The following FOXO3 variants were observed in gnomAD, a reference collection of about 807,000 sequenced individuals.
The protein encoded by FOXO3 is forkhead box protein O3.
Under a neutral mutation model 41.9 loss-of-function variants are expected in FOXO3, and 4 were observed. That is an observed-to-expected ratio of 0.10 (90% CI 0.05 to 0.22). The LOEUF (loss-of-function observed/expected upper bound fraction) is 0.22, where lower values mean the gene tolerates loss of function less well. Ranked by LOEUF, FOXO3 falls within the 10% of genes least tolerant of loss-of-function variation. FOXO3 has a pLI of 1.00. For synonymous variants in FOXO3, 318 were observed against 389.3 expected, an observed-to-expected ratio of 0.82 and a Z score of 2.16; for missense variants, 534 against 906.8, an observed-to-expected ratio of 0.59 and a Z score of 5.28.
intron 1 of FOXO3, among the ~76,000 whole-genome samples, chr6:108,604,151 T>G (rs1448196783): frequency 6.6e-6 from 1 of 152,156 alleles, no homozygotes; most frequent in Non-Finnish European, 1.5e-5. Context: ...AGGTCAGAAG[T>G]AGCTAGAGGA....
rs998696650 is a variant in FOXO3 at position 108,630,765 on chromosome 6, T to TA, written c.622-32682dup. Among the ~76,000 whole-genome samples the TA allele has an allele frequency of 5.3e-5, 8 of 151,900 alleles. No homozygotes were observed. In the East Asian group the frequency reaches 9.7e-4, roughly 18 times the overall value. ...CAACATGTTTTGCTTTAAGTATTTT[T>TA]AAAAAAAAGCTTTTTAAGGGAAGAA... On this transcript the variant is annotated intron_variant, in intron 1 of 2. Coordinates refer to ENST00000406360, the MANE Select transcript of FOXO3 (RefSeq NM_001455.4).
At chr6:108,576,304 A>G (rs1035885642) in intron 1 of FOXO3, among the ~76,000 whole-genome samples, 1 of 152,202 alleles carries the variant, frequency 6.6e-6, no homozygotes, top group Non-Finnish European at 1.5e-5. Flanking sequence ...AGGTTTTATC[A>G]TACTTACCCT....
chr6:108,611,656 G>T (rs1357982872), intron 1 of FOXO3, among the ~76,000 whole-genome samples: 2 of 145,760 alleles, frequency 1.4e-5, no homozygotes, highest in Admixed American at 6.8e-5. Context: ...TTTGTAAATT[G>T]TATATCTTCT....
chr6:108,578,048 A>T (rs939814249), intron 1 of FOXO3, among the ~76,000 whole-genome samples: 1 of 152,210 alleles, frequency 6.6e-6, no homozygotes, highest in Non-Finnish European at 1.5e-5. Context: ...AAACTGAGAG[A>T]TATAAACTTA....
chr6:108,652,527 C>CATG (rs1449643895), intron 1 of FOXO3, among the ~76,000 whole-genome samples: 2 of 152,196 alleles, frequency 1.3e-5, no homozygotes, highest in African/African-American at 4.8e-5. Context: ...TTGGTGACTT[C>CATG]AGAAGGAAAT....
chr6:108,683,500 A>G lies in FOXO3; in HGVS notation c.*3708A>G, dbSNP rs1487964494. 1 of 152,248 alleles carries G rather than the reference A, an allele frequency of 6.6e-6. No individual in the cohort carries two copies. The highest frequency in any genetic ancestry group is 1.5e-5 in the Non-Finnish European group (1 of 68,072). 9.4% of individuals were successfully genotyped at this position (152,248 alleles called of 1,614,324 possible). A position where few individuals can be genotyped will look rare whatever the true frequency, so the allele number is the denominator to read the frequency against. On this transcript the variant is annotated 3_prime_UTR_variant, in exon 3 of 3. Coordinates refer to ENST00000406360, the MANE Select transcript of FOXO3 (RefSeq NM_001455.4). ...AATAAAAATGTTATCCAGCCTGACC[A>G]ACATGGAGAAACCCCGTCTCCATTA...
intron 1 of FOXO3, among the ~76,000 whole-genome samples, chr6:108,647,022 A>T (rs1169098570): frequency 6.6e-6 from 1 of 152,216 alleles, no homozygotes; most frequent in South Asian, 2.1e-4. Flanking sequence ...GTAGTACTGC[A>T]CAAAAGAGAG....
intron 2 of FOXO3, among the ~76,000 whole-genome samples, chr6:108,672,018 G>A (rs1165132387): frequency 6.6e-6 from 1 of 152,338 alleles, no homozygotes; most frequent in East Asian, 1.9e-4. Flanking sequence ...GTCCACAGGG[G>A]CTAGCAGCAA....
chr6:108,621,500 G>T (rs1185495547), intron 1 of FOXO3, among the ~76,000 whole-genome samples: 1 of 152,146 alleles, frequency 6.6e-6, no homozygotes, highest in Non-Finnish European at 1.5e-5. Context: ...CTCAGCTACT[G>T]TAGTGAAAAA....
chr6:108,662,109 G>A (rs921098215), intron 1 of FOXO3, among the ~76,000 whole-genome samples: 2 of 151,424 alleles, frequency 1.3e-5, no homozygotes, highest in Admixed American at 6.6e-5. Flanking sequence ...ACCTTTAGCC[G>A]TCATATCTCC....
At chr6:108,646,762 G>T (rs1460043274) in intron 1 of FOXO3, among the ~76,000 whole-genome samples, 1 of 152,182 alleles carries the variant, frequency 6.6e-6, no homozygotes, top group Non-Finnish European at 1.5e-5. Context: ...CTTTCCTCCT[G>T]CATTTTATTG....
intron 2 of FOXO3, among the ~76,000 whole-genome samples, chr6:108,668,631 AT>A (rs1779125096): frequency 6.6e-6 from 1 of 152,168 alleles, no homozygotes; most frequent in Non-Finnish European, 1.5e-5. Flanking sequence ...TGGAGACACC[AT>A]TAGGGAGCAG....
intron 1 of FOXO3, among the ~76,000 whole-genome samples, chr6:108,626,541 G>A (rs1481916397): frequency 3.3e-5 from 5 of 152,028 alleles, no homozygotes; most frequent in South Asian, 2.1e-4. Flanking sequence ...AGAGAAAATC[G>A]GCTTATAAGT....
chr6:108,605,556 A>G (rs1045844593), intron 1 of FOXO3, among the ~76,000 whole-genome samples: 3 of 152,234 alleles, frequency 2.0e-5, no homozygotes, highest in African/African-American at 7.2e-5. Context: ...ATTTCTCAGA[A>G]AAAGAAACAG....
chr6:108,582,242 G>A (rs1473118919), intron 1 of FOXO3, among the ~76,000 whole-genome samples: 1 of 152,110 alleles, frequency 6.6e-6, no homozygotes, highest in Non-Finnish European at 1.5e-5. Context: ...GAAATCTAGG[G>A]ACCATCCTAA....
At chr6:108,575,694 T>C (rs1003306945) in intron 1 of FOXO3, among the ~76,000 whole-genome samples, 5 of 152,196 alleles carry the variant, frequency 3.3e-5, no homozygotes, top group Non-Finnish European at 7.3e-5. Flanking sequence ...GTCTTTGTTT[T>C]TGCAGTAGAA....
intron 1 of FOXO3, among the ~76,000 whole-genome samples, chr6:108,591,141 G>A (rs1380471162): frequency 6.6e-6 from 1 of 152,214 alleles, no homozygotes; most frequent in African/African-American, 2.4e-5. Context: ...CTCAGGTGTA[G>A]CTGGGACTTA....
intron 1 of FOXO3, among the ~76,000 whole-genome samples, chr6:108,591,947 A>G (rs992866744): frequency 3.3e-5 from 5 of 152,230 alleles, no homozygotes; most frequent in Non-Finnish European, 7.3e-5. Flanking sequence ...ACTGCTCTAC[A>G]ATAAGAAGGA....
rs1448607385 is a variant in FOXO3, at chr6:108,663,760, C to T, written c.927C>T (p.Phe309=). Residue 309 remains phenylalanine, a synonymous_variant, in exon 2 of 3, where the codon TTC becomes TTT. Coordinates refer to ENST00000406360, the MANE Select transcript of FOXO3 (RefSeq NM_001455.4). ...SSDELDAWTD[F]RSRTNSNAST... Reference sequence around the variant, plus strand: ...ATGAGCTGGATGCGTGGACGGACTTCCGTTCACGCACCAATTCTAACGCCA... The same window carrying T: ...ATGAGCTGGATGCGTGGACGGACTTTCGTTCACGCACCAATTCTAACGCCA... 6.2e-7 allele frequency: 1 copy of T among 1,613,902 alleles called. No homozygotes were observed. The highest frequency in any genetic ancestry group is 2.2e-5 in the East Asian group (1 of 44,872).
Sources: allele counts gnomAD v4.1 joint callset (sites outside exome capture counted in the v4.1 genomes callset), GRCh38; gene constraint gnomAD v4.1.1; transcripts MANE v1.5; gene names NCBI Gene and HGNC (gene_info 2026-07-23, HGNC 2026-07-21).